Variants in CDC42SE2 observed in about 807,000 individuals in gnomAD.
CDC42SE2 encodes CDC42 small effector 2.
CDC42SE2 carries 3 observed loss-of-function variants against 11.5 expected under a neutral mutation model. That is an observed-to-expected ratio of 0.26 (90% CI 0.12 to 0.67). CDC42SE2 has a LOEUF of 0.67. CDC42SE2 is among the 30% of genes least tolerant of loss of function. The pLI, the probability that CDC42SE2 is intolerant of heterozygous loss-of-function variation, is 0.80. For missense variants in CDC42SE2, 82 were observed against 106.8 expected (o/e 0.77, Z 1.02); for synonymous variants, 33 against 34.8 (o/e 0.95, Z 0.18).
At chr5:131,376,111 T>C (rs1750145763) in intron 3 of CDC42SE2, among the ~76,000 whole-genome samples, 2 of 152,026 alleles carry the variant, frequency 1.3e-5, no homozygotes, top group African/African-American at 4.8e-5. Context: ...TGGTGGTGCA[T>C]GCCTGTAATT....
chr5:131,286,948 A>G (rs1757353833), intron 1 of CDC42SE2, among the ~76,000 whole-genome samples: 1 of 152,040 alleles, frequency 6.6e-6, no homozygotes, highest in Admixed American at 6.6e-5. Context: ...TGCCGGGACC[A>G]TAATCCCTGT....
At position 131,391,993 on chromosome 5, in the gene CDC42SE2, T is replaced by TGTC. The variant is rs1750670536; in HGVS notation, c.*903_*905dup. On this transcript the variant is annotated 3_prime_UTR_variant, in exon 5 of 5. Transcript: ENST00000505065. ...TACTGTTCTGCTCTGAAGAAGATAC[T>TGTC]GTCAGACGAATCCTGCATTTCCTTC... 6.6e-6 allele frequency: 1 copy of TGTC among 152,386 alleles called. No individual in the cohort carries two copies. Among genetic ancestry groups the TGTC allele is most frequent in the African/African-American group, 2.4e-5 (1 of 41,460 alleles). 9.4% of individuals were successfully genotyped at this position (152,386 alleles called of 1,614,324 possible).
At chr5:131,355,075 A>G (rs1048831412) in intron 2 of CDC42SE2, among the ~76,000 whole-genome samples, 3 of 152,194 alleles carry the variant, frequency 2.0e-5, no homozygotes, top group Admixed American at 6.5e-5. Flanking sequence ...CAGTAGGATA[A>G]GTATAAAGCA....
At chr5:131,301,724 C>T (rs1041135416) in intron 1 of CDC42SE2, among the ~76,000 whole-genome samples, 6 of 150,154 alleles carry the variant, frequency 4.0e-5, no homozygotes, top group African/African-American at 2.5e-5. Flanking sequence ...CGCCACTGCA[C>T]TCTAGTTTGG....
intron 3 of CDC42SE2, among the ~76,000 whole-genome samples, chr5:131,364,103 A>G (rs766505112): frequency 1.3e-5 from 2 of 152,218 alleles, no homozygotes; most frequent in Non-Finnish European, 2.9e-5. Context: ...AGTGAATACA[A>G]CAGATGTCAT....
chr5:131,309,759 G>A (rs1487863825), intron 1 of CDC42SE2, among the ~76,000 whole-genome samples: 1 of 151,782 alleles, frequency 6.6e-6, no homozygotes, highest in African/African-American at 2.4e-5. Flanking sequence ...ATTCTCTGAT[G>A]GTAGTTTGTA....
At chr5:131,237,189 C>A in the CDC42SE2 span, among the ~76,000 whole-genome samples, 1 of 152,186 alleles carries the variant, frequency 6.6e-6, no homozygotes, top group Non-Finnish European at 1.5e-5. Flanking sequence ...TTCCTTAATT[C>A]ATTTCTCTTT....
chr5:131,351,273 G>T (rs1165984156), intron 2 of CDC42SE2, among the ~76,000 whole-genome samples: 2 of 149,706 alleles, frequency 1.3e-5, no homozygotes, highest in Non-Finnish European at 3.0e-5. Context: ...TTTTTTTCCT[G>T]AGACGGAGTC....
At chr5:131,343,293 G>T (rs1758757487) in intron 2 of CDC42SE2, among the ~76,000 whole-genome samples, 1 of 152,154 alleles carries the variant, frequency 6.6e-6, no homozygotes, top group Non-Finnish European at 1.5e-5. Context: ...CAAGAGAGAA[G>T]TCAGAATGAA....
chr5:131,299,875 C>CT (rs1444212545), intron 1 of CDC42SE2, among the ~76,000 whole-genome samples: 1 of 152,136 alleles, frequency 6.6e-6, no homozygotes, highest in Non-Finnish European at 1.5e-5. Flanking sequence ...ACTGGATTGT[C>CT]TGAGAACCAG....
At chr5:131,321,725 G>T (rs2549011) in intron 2 of CDC42SE2, among the ~76,000 whole-genome samples, 8 of 151,382 alleles carry the variant, frequency 5.3e-5, no homozygotes, top group Admixed American at 1.3e-4. Context: ...CTTCCCCCCC[G>T]CCAAAATCAT....
At chr5:131,332,757 A>G (rs1758452632) in intron 2 of CDC42SE2, among the ~76,000 whole-genome samples, 7 of 152,124 alleles carry the variant, frequency 4.6e-5, no homozygotes, top group Admixed American at 4.6e-4. Flanking sequence ...TTGGCTGCAT[A>G]AATGTCTTCT....
chr5:131,282,364 AG>A, intron 1 of CDC42SE2, among the ~76,000 whole-genome samples: 1 of 152,316 alleles, frequency 6.6e-6, no homozygotes, highest in Admixed American at 6.5e-5. Flanking sequence ...AACAATAGCA[AG>A]TTTCTCTTAT....
chr5:131,321,540 A>G (rs79777478), intron 2 of CDC42SE2, among the ~76,000 whole-genome samples: 1,855 of 152,292 alleles, frequency 0.012, 48 homozygotes, highest in African/African-American at 0.043. Flanking sequence ...GTGTTAAGTG[A>G]AAAAGGTGCC....
At chr5:131,280,372 T>A (rs1256224359) in intron 1 of CDC42SE2, among the ~76,000 whole-genome samples, 1 of 152,222 alleles carries the variant, frequency 6.6e-6, no homozygotes, top group Non-Finnish European at 1.5e-5. Context: ...TATGAATATA[T>A]GTTTTTTCAC....
At chr5:131,326,339 G>A (rs1758301624) in intron 2 of CDC42SE2, among the ~76,000 whole-genome samples, 1 of 151,990 alleles carries the variant, frequency 6.6e-6, no homozygotes, top group African/African-American at 2.4e-5. Context: ...TCCTGACCTC[G>A]TGACCAAATG....
At chr5:131,298,308 T>C (rs1757613740) in intron 1 of CDC42SE2, among the ~76,000 whole-genome samples, 1 of 151,758 alleles carries the variant, frequency 6.6e-6, no homozygotes. Flanking sequence ...GGTTTCTCCA[T>C]GTTGGTGAGT....
At chr5:131,233,239 A>G in the CDC42SE2 span, among the ~76,000 whole-genome samples, 1 of 152,032 alleles carries the variant, frequency 6.6e-6, no homozygotes, top group African/African-American at 2.4e-5. Flanking sequence ...ATTCTTTATA[A>G]TTTATATAAA....
At chr5:131,270,358 G>C (rs1183403022) in intron 1 of CDC42SE2, among the ~76,000 whole-genome samples, 1 of 152,186 alleles carries the variant, frequency 6.6e-6, no homozygotes, top group Non-Finnish European at 1.5e-5. Flanking sequence ...CTGGGCGAAA[G>C]AGTGAGACTC....
Sources: allele counts gnomAD v4.1 joint callset (sites outside exome capture counted in the v4.1 genomes callset), GRCh38; gene constraint gnomAD v4.1.1; transcripts MANE v1.5; gene names NCBI Gene and HGNC (gene_info 2026-07-23, HGNC 2026-07-21).